Variants in CPN1 observed in about 807,000 individuals in gnomAD.
CPN1 encodes carboxypeptidase N subunit 1.
Under a neutral mutation model 46.4 loss-of-function variants are expected in CPN1, and 37 were observed. The ratio of observed to expected loss-of-function variants is 0.80; its 90% confidence interval spans 0.61 to 1.05. The LOEUF (loss-of-function observed/expected upper bound fraction) is 1.05, where lower values mean the gene tolerates loss of function less well. CPN1 is among the 50% of genes least tolerant of loss of function. CPN1 has a pLI of 0.00. For missense variants in CPN1, 563 were observed against 602.6 expected (o/e 0.93, Z 0.69); for synonymous variants, 224 against 235.4 (o/e 0.95, Z 0.44).
chr10:100,051,793 C>T (rs1310995766), intron 7 of CPN1, among the ~76,000 whole-genome samples: 6 of 151,884 alleles, frequency 4.0e-5, no homozygotes, highest in African/African-American at 1.5e-4. Context: ...CCTCCCAAAG[C>T]GCTGGGATTA....
At chr10:100,056,921 A>C (rs1290904974) in intron 6 of CPN1, 92 bp downstream of exon 6, 2 of 1,539,684 alleles carry the variant, frequency 1.3e-6, no homozygotes, top group East Asian at 4.5e-5. Context: ...GAGTCAGAGC[A>C]AAAGTCAGAC....
intron 7 of CPN1, among the ~76,000 whole-genome samples, chr10:100,050,227 G>A (rs188135203): frequency 1.3e-5 from 2 of 152,246 alleles, no homozygotes; most frequent in Non-Finnish European, 2.9e-5. Flanking sequence ...GGTGGCACAT[G>A]CTTGTAGTCT....
chr10:100,048,515 T>C (rs906786706), intron 8 of CPN1, among the ~76,000 whole-genome samples: 3 of 151,996 alleles, frequency 2.0e-5, no homozygotes, highest in Admixed American at 6.6e-5. Context: ...CTGGGTAACA[T>C]GACGAAATCC....
At chr10:100,057,406 C>A (rs542607296) in intron 5 of CPN1, among the ~76,000 whole-genome samples, 1 of 152,114 alleles carries the variant, frequency 6.6e-6, no homozygotes, top group South Asian at 2.1e-4. Flanking sequence ...ATGAGTGGGG[C>A]AAGAGTCCGA....
At chr10:100,068,649 A>C (rs1052279134) in intron 3 of CPN1, among the ~76,000 whole-genome samples, 1 of 152,156 alleles carries the variant, frequency 6.6e-6, no homozygotes, top group Non-Finnish European at 1.5e-5. Flanking sequence ...AACTCCTTCA[A>C]GGGATCCTCC....
rs370836779 is a variant in CPN1 at position 100,075,922 on chromosome 10, C to T, written c.409G>A (p.Ala137Thr). The change falls in exon 2 of 9, where the codon GCT becomes ACT. Residue 137 changes from alanine to threonine, a missense_variant. Ala to Thr is a moderately conservative substitution (Grantham distance 58, BLOSUM62 0). Transcript: ENST00000370418. ...CTTGGACCTCGTACCTGGGCAGCAGCCACCTCGTAGCCGTCGGGGTTCATG... is the reference window on the plus strand; with the variant it reads ...CTTGGACCTCGTACCTGGGCAGCAGTCACCTCGTAGCCGTCGGGGTTCATG... Reference protein sequence around the residue: ...PSMNPDGYEVAAAQGPNKPGY... With the variant: ...PSMNPDGYEVTAAQGPNKPGY... The T allele has an allele frequency of 2.5e-6, 4 of 1,613,898 alleles. No homozygotes were observed. The highest frequency in any genetic ancestry group is 3.4e-6 in the Non-Finnish European group (4 of 1,180,056).
chr10:100,063,139 G>T (rs771214663), intron 5 of CPN1, among the ~76,000 whole-genome samples: 6 of 151,304 alleles, frequency 4.0e-5, no homozygotes, highest in Non-Finnish European at 8.8e-5. Flanking sequence ...TTGTTTTTTC[G>T]AGACGGAGTC....
In CPN1 at chr10:100,057,005, G is replaced by A; in HGVS notation, c.1011+8C>T. 1 of 1,614,142 alleles carries A rather than the reference G, an allele frequency of 6.2e-7. No homozygotes were observed. Among genetic ancestry groups the A allele is most frequent in the Non-Finnish European group, 8.5e-7 (1 of 1,180,022 alleles). ...TGCAAACATGAGAGTTAACAAATGA[G>A]ATTTTACCTGTTCCAGGAACTGGAT... On this transcript the variant is annotated splice_region_variant and intron_variant, in intron 6 of 8. Coordinates refer to ENST00000370418, the MANE Select transcript of CPN1 (RefSeq NM_001308.3).
chr10:100,043,468 C>T (rs1373253720), intron 8 of CPN1, among the ~76,000 whole-genome samples: 1 of 151,968 alleles, frequency 6.6e-6, no homozygotes, highest in Non-Finnish European at 1.5e-5. Context: ...CCAATACTGC[C>T]ACTTAGGACA....
intron 5 of CPN1, among the ~76,000 whole-genome samples, chr10:100,062,276 CT>C (rs2041423959): frequency 6.6e-6 from 1 of 151,998 alleles, no homozygotes; most frequent in South Asian, 2.1e-4. Flanking sequence ...ATCTTGACCC[CT>C]GGTCATGGGG....
chr10:100,046,902 T>C (rs1335034816), intron 8 of CPN1, among the ~76,000 whole-genome samples: 1 of 150,808 alleles, frequency 6.6e-6, no homozygotes, highest in East Asian at 2.0e-4. Flanking sequence ...GGCAAACCCC[T>C]GTCTCTACTA....
intron 5 of CPN1, among the ~76,000 whole-genome samples, 162 bp from the exon 6 acceptor site, chr10:100,057,314 G>A (rs1015188925): frequency 6.6e-6 from 1 of 151,912 alleles, no homozygotes; most frequent in African/African-American, 2.4e-5. Context: ...ACATATTCAT[G>A]TACATCACAT....
chr10:100,045,034 C>T (rs1387635279), intron 8 of CPN1, among the ~76,000 whole-genome samples: 1 of 151,986 alleles, frequency 6.6e-6, no homozygotes, highest in African/African-American at 2.4e-5. Flanking sequence ...TTTTTTCTTT[C>T]CCAGACAGAT....
chr10:100,043,189 A>G (rs2041288643), intron 8 of CPN1, among the ~76,000 whole-genome samples: 1 of 151,666 alleles, frequency 6.6e-6, no homozygotes. Context: ...TGAGATCAGG[A>G]GTTAGAGACC....
At position 100,075,920 on chromosome 10, in the gene CPN1, A is replaced by G; in HGVS notation, c.411T>C (p.Ala137=). 1 of 1,614,018 alleles carries G rather than the reference A, an allele frequency of 6.2e-7. No homozygotes were observed. The highest frequency in any genetic ancestry group is 2.2e-5 in the East Asian group (1 of 44,882). ...PSMNPDGYEV[A]AAQGPNKPGY... ...CCCTTGGACCTCGTACCTGGGCAGC[A>G]GCCACCTCGTAGCCGTCGGGGTTCA... The change falls in exon 2 of 9, where the codon GCT becomes GCC. Residue 137 remains alanine (A), a synonymous_variant. Coordinates refer to ENST00000370418, the MANE Select transcript of CPN1 (RefSeq NM_001308.3).
chr10:100,071,984 C>A (rs59029271), intron 2 of CPN1, among the ~76,000 whole-genome samples: 3,969 of 152,048 alleles, frequency 0.026, 70 homozygotes, highest in East Asian at 0.07. Context: ...CGAATTTTGG[C>A]GAAGGGTGGT....
chr10:100,073,090 T>G (rs578228762), intron 2 of CPN1, among the ~76,000 whole-genome samples: 2 of 152,336 alleles, frequency 1.3e-5, no homozygotes, highest in African/African-American at 2.4e-5. Flanking sequence ...GAATTCAGTA[T>G]TATTCTCAGA....
intron 8 of CPN1, among the ~76,000 whole-genome samples, chr10:100,043,250 G>A (rs2041289053): frequency 6.6e-6 from 1 of 151,372 alleles, no homozygotes; most frequent in South Asian, 2.1e-4. Flanking sequence ...ACAAAAATTA[G>A]CTGGGCTGGT....
chr10:100,068,878 C>T (rs1346844041), intron 3 of CPN1, among the ~76,000 whole-genome samples: 1 of 152,156 alleles, frequency 6.6e-6, no homozygotes, highest in Non-Finnish European at 1.5e-5. Context: ...AAGCACACAG[C>T]TTATCACGAG....
Sources: allele counts gnomAD v4.1 joint callset (sites outside exome capture counted in the v4.1 genomes callset), GRCh38; gene constraint gnomAD v4.1.1; transcripts MANE v1.5; gene names NCBI Gene and HGNC (gene_info 2026-07-23, HGNC 2026-07-21).